Variants in EFL1 observed in about 807,000 individuals in gnomAD.
The protein encoded by EFL1 is elongation factor-like GTPase 1.
Under a neutral mutation model 126.7 loss-of-function variants are expected in EFL1, and 76 were observed. The ratio of observed to expected loss-of-function variants is 0.60; its 90% CI spans 0.50 to 0.73. The LOEUF (loss-of-function observed/expected upper bound fraction) is 0.73, where lower values mean the gene tolerates loss of function less well. Among genes scored for constraint, EFL1 ranks in the 30% least tolerant of loss-of-function variants. The pLI, the probability that EFL1 is intolerant of heterozygous loss-of-function variation, is 0.00. For missense variants in EFL1, 1,128 were observed against 1,343.2 expected (o/e 0.84, Z 2.50); for synonymous variants, 410 against 448.4 (o/e 0.91, Z 1.08).
At chr15:82,193,951 G>T (rs1485085571) in intron 15 of EFL1, among the ~76,000 whole-genome samples, 1 of 152,204 alleles carries the variant, frequency 6.6e-6, no homozygotes, top group East Asian at 1.9e-4. Flanking sequence ...ACGGTGAGCA[G>T]CCACAGTGGC....
chr15:82,257,730 A>G (rs58977428), intron 3 of EFL1, among the ~76,000 whole-genome samples: 2 of 152,290 alleles, frequency 1.3e-5, no homozygotes, highest in South Asian at 2.1e-4. Context: ...TGATGAACCA[A>G]TATTGATGCA....
In EFL1 at chr15:82,238,483, G is replaced by A; in HGVS notation, c.555C>T (p.Val185=). The A allele has an allele frequency of 2.5e-6, 4 of 1,613,794 alleles. 1 individual carries two copies. The change falls in exon 7 of 20, where the codon GTC becomes GTT. Residue 185 remains valine, a synonymous_variant. Transcript: ENST00000268206. ...TCTCCCTCTCTGCTCTTTCTTCTAGGACTTTAGAAGTAAAAAGAGTCCCTG... is the reference window on the plus strand; with the variant it reads ...TCTCCCTCTCTGCTCTTTCTTCTAGAACTTTAGAAGTAAAAAGAGTCCCTG... ...ALTGTLFTSK[V]LEERAERETE...
At position 82,258,020 on chromosome 15, in the gene EFL1, C is replaced by G. The variant is rs532217371; in HGVS notation, c.159+1068G>C. Reference sequence around the variant, plus strand: ...CTAGATAGTATCTTGGGCCAGCTTCCCTCCCAACCCACACATCAATTCCCA... The same window carrying G: ...CTAGATAGTATCTTGGGCCAGCTTCGCTCCCAACCCACACATCAATTCCCA... On this transcript the variant is annotated intron_variant, in intron 3 of 19. Transcript: ENST00000268206. 2.0e-5 allele frequency among the ~76,000 whole-genome samples: 3 copies of G among 152,248 alleles called. No individual in the cohort carries two copies. In the South Asian group the frequency reaches 6.2e-4, roughly 32 times the overall value.
At position 82,152,172 on chromosome 15, in the gene EFL1, T is replaced by A; in HGVS notation, c.2282A>T (p.Glu761Val). The stretch of plus-strand genomic sequence containing the variant: ...ATTTTCTTCCAGAATCTGGGTGACT[T>A]CTTCTGGAAGGGGCATGGCTCGAAC... ...LSVRAMPLPE[E>V]VTQILEENSD... Residue 761 changes from glutamate to valine, a missense_variant, in exon 18 of 20, where the codon GAA becomes GTA. Transcript: ENST00000268206. The A allele has an allele frequency of 6.2e-7, 1 of 1,614,168 alleles. No homozygotes were observed.
At chr15:82,155,482 A>C (rs542540506) in intron 17 of EFL1, among the ~76,000 whole-genome samples, 1 of 152,250 alleles carries the variant, frequency 6.6e-6, no homozygotes, top group East Asian at 1.9e-4. Context: ...AGCCTGAGCA[A>C]TGGGAGTGCC....
intron 17 of EFL1, among the ~76,000 whole-genome samples, chr15:82,154,669 G>A (rs1225653817): frequency 6.6e-6 from 1 of 152,130 alleles, no homozygotes; most frequent in African/African-American, 2.4e-5. Context: ...GAAGGTAACT[G>A]CTATCCTGAT....
chr15:82,138,160 T>C (rs760328751), intron 19 of EFL1, among the ~76,000 whole-genome samples: 4 of 152,148 alleles, frequency 2.6e-5, no homozygotes, highest in Non-Finnish European at 5.9e-5. Context: ...CACAGAAACC[T>C]TGAATCTCCA....
At chr15:82,240,982 G>A (rs1228910496) in intron 5 of EFL1, among the ~76,000 whole-genome samples, 1 of 152,148 alleles carries the variant, frequency 6.6e-6, no homozygotes, top group Non-Finnish European at 1.5e-5. Context: ...CCCAGGAGGC[G>A]GAGGTTGCAG....
intron 15 of EFL1, among the ~76,000 whole-genome samples, 182 bp from the exon 16 acceptor site, chr15:82,164,166 G>C (rs866509602): frequency 6.6e-6 from 1 of 151,374 alleles, no homozygotes; most frequent in African/African-American, 2.4e-5. Context: ...TTTGATTGCT[G>C]TCAAAATACA....
chr15:82,241,732 T>A (rs1233497887), intron 4 of EFL1, among the ~76,000 whole-genome samples: 1 of 152,264 alleles, frequency 6.6e-6, no homozygotes, highest in East Asian at 1.9e-4. Context: ...GAGATACATA[T>A]TACTATTCTC....
chr15:82,198,361 A>C (rs1262054293), intron 15 of EFL1, among the ~76,000 whole-genome samples: 2 of 152,208 alleles, frequency 1.3e-5, no homozygotes, highest in Non-Finnish European at 2.9e-5. Flanking sequence ...AGCTCGTTCA[A>C]GTCCAAGAAA....
Position 82,252,784 on chromosome 15 carries a change from A to G in EFL1, c.160-9T>C. 1 of 1,388,028 alleles carries G rather than the reference A, an allele frequency of 7.2e-7. No homozygotes were observed. The highest frequency in any genetic ancestry group is 1.2e-5 in the South Asian group (1 of 83,878). 86.0% of individuals were successfully genotyped at this position (1,388,028 alleles called of 1,614,324 possible). A position where few individuals can be genotyped will look rare whatever the true frequency, so the allele number is the denominator to read the frequency against. On this transcript the variant is annotated splice_polypyrimidine_tract_variant and intron_variant, in intron 3 of 19. Coordinates refer to ENST00000268206, the MANE Select transcript of EFL1 (RefSeq NM_024580.6). ...CTGTCCATGTACCTTAACTGGAAAA[A>G]TGCAACATATGCATCTTCACTTCCC...
At position 82,179,321 on chromosome 15, in the gene EFL1, G is replaced by A. The variant is rs180912756; in HGVS notation, c.1751-15337C>T. 2.6e-4 allele frequency among the ~76,000 whole-genome samples: 40 copies of A among 152,238 alleles called. No homozygotes were observed. In the East Asian group the frequency reaches 7.5e-3, roughly 29 times the overall value. ...GGTAAACAAAATCATCTCTAAAATG[G>A]TCTGTTTTAGTTAACATGAATTTTT... On this transcript the variant is annotated intron_variant, in intron 15 of 19. Transcript: ENST00000268206.
At chr15:82,163,648 C>A (rs2074046349) in intron 16 of EFL1, among the ~76,000 whole-genome samples, 1 of 152,208 alleles carries the variant, frequency 6.6e-6, no homozygotes, top group Non-Finnish European at 1.5e-5. Context: ...AAGATGCAGT[C>A]TCCCTGGACA....
At chr15:82,163,353 C>T (rs2074042923) in intron 16 of EFL1, among the ~76,000 whole-genome samples, 1 of 152,108 alleles carries the variant, frequency 6.6e-6, no homozygotes, top group Non-Finnish European at 1.5e-5. Context: ...ACCAGCCTGG[C>T]CAACTGGCGA....
chr15:82,164,851 C>A (rs180763760), intron 15 of EFL1, among the ~76,000 whole-genome samples: 2 of 148,396 alleles, frequency 1.3e-5, no homozygotes, highest in Non-Finnish European at 3.0e-5. Context: ...GAGCCAAGAT[C>A]GTGCCACTGC....
chr15:82,139,741 T>C (rs2073764794), intron 18 of EFL1, among the ~76,000 whole-genome samples: 2 of 152,240 alleles, frequency 1.3e-5, no homozygotes, highest in African/African-American at 4.8e-5. Flanking sequence ...TTTAGTTACA[T>C]AAGTGATCTA....
chr15:82,201,947 T>A (rs2074473321), intron 15 of EFL1, among the ~76,000 whole-genome samples: 1 of 151,044 alleles, frequency 6.6e-6, no homozygotes, highest in Non-Finnish European at 1.5e-5. Context: ...CCAAAATGTC[T>A]ACTTGCGGAG....
At chr15:82,227,249 G>A (rs548762279) in intron 11 of EFL1, among the ~76,000 whole-genome samples, 3 of 152,302 alleles carry the variant, frequency 2.0e-5, no homozygotes, top group South Asian at 2.1e-4. Context: ...TGAGCAAAAT[G>A]GCTGTAACAA....
Sources: allele counts gnomAD v4.1 joint callset (sites outside exome capture counted in the v4.1 genomes callset), GRCh38; gene constraint gnomAD v4.1.1; transcripts MANE v1.5; gene names NCBI Gene and HGNC (gene_info 2026-07-23, HGNC 2026-07-21).